The following BAZ2B variants were observed in gnomAD, a reference collection of about 807,000 sequenced individuals.
BAZ2B encodes bromodomain adjacent to zinc finger domain protein 2B.
BAZ2B carries 91 observed loss-of-function variants against 246.0 expected under a neutral mutation model. The ratio of observed to expected loss-of-function variants is 0.37; its 90% CI spans 0.31 to 0.44. The LOEUF (loss-of-function observed/expected upper bound fraction) is 0.44, where lower values mean the gene tolerates loss of function less well. Ranked by LOEUF, BAZ2B falls within the 20% of genes least tolerant of loss-of-function variation. The pLI, the probability that BAZ2B is intolerant of heterozygous loss-of-function variation, is 1.00. For synonymous variants in BAZ2B, 855 were observed against 860.0 expected, an observed-to-expected ratio of 0.99 and a Z score of 0.10; for missense variants, 2,332 against 2,533.7, an observed-to-expected ratio of 0.92 and a Z score of 1.71.
In BAZ2B at chr2:159,559,247, A is replaced by C. The variant is rs79716238; in HGVS notation, c.-45-3382T>G. Among the ~76,000 whole-genome samples the C allele has an allele frequency of 1.1e-3, 171 of 152,248 alleles. 1 individual carries two copies. Among genetic ancestry groups the C allele is most frequent in the African/African-American group, 4.0e-3 (166 of 41,558 alleles). On this transcript the variant is annotated intron_variant, in intron 1 of 36. Transcript: ENST00000392783. The stretch of plus-strand genomic sequence containing the variant: ...GTGAAGGAGTAACCCTGTTAAAAAA[A>C]AAAAAGAAGGTGGCCACGGAGATAA...
At chr2:159,705,606 C>A in the BAZ2B span, among the ~76,000 whole-genome samples, 1 of 152,194 alleles carries the variant, frequency 6.6e-6, no homozygotes, top group Middle Eastern at 3.4e-3. Flanking sequence ...TACTGGCACA[C>A]CTGGCTATCT....
At chr2:159,705,466 G>C in the BAZ2B span, among the ~76,000 whole-genome samples, 1 of 152,140 alleles carries the variant, frequency 6.6e-6, no homozygotes, top group Non-Finnish European at 1.5e-5. Context: ...TTAGTTTTCA[G>C]AATAGAAAAC....
intron 1 of BAZ2B, among the ~76,000 whole-genome samples, chr2:159,570,264 A>G (rs1283031792): frequency 6.6e-6 from 1 of 151,158 alleles, no homozygotes; most frequent in Non-Finnish European, 1.5e-5. Context: ...AGCTCACTGC[A>G]ATCTCCACCT....
chr2:159,573,880 G>A lies in BAZ2B; in HGVS notation c.-45-18015C>T, dbSNP rs183094498. ...TTTGGGAGGACAAGGTAGGTAGATC[G>A]CTTGAGCCCAAGAGTTCAAGACCAG... On this transcript the variant is annotated intron_variant, in intron 1 of 36. Coordinates refer to ENST00000392783, the MANE Select transcript of BAZ2B (RefSeq NM_013450.4). Among the ~76,000 whole-genome samples, 122 of 152,174 alleles carry A rather than the reference G, an allele frequency of 8.0e-4. 1 individual carries two copies. The highest frequency in any genetic ancestry group is 2.7e-3 in the African/African-American group (114 of 41,532).
At chr2:159,683,794 C>T in the BAZ2B span, among the ~76,000 whole-genome samples, 1 of 152,134 alleles carries the variant, frequency 6.6e-6, no homozygotes, top group African/African-American at 2.4e-5. Flanking sequence ...ACTCTTTTTT[C>T]TCTTTAAGTA....
At chr2:159,542,255 A>G (rs1578217732) in intron 2 of BAZ2B, among the ~76,000 whole-genome samples, 1 of 152,210 alleles carries the variant, frequency 6.6e-6, no homozygotes, top group South Asian at 2.1e-4. Context: ...AGAAAGGAGT[A>G]GAAACAATGT....
chr2:159,315,526 T>C (rs2062024127), downstream of BAZ2B, among the ~76,000 whole-genome samples: 2 of 152,204 alleles, frequency 1.3e-5, 1 homozygote, highest in Middle Eastern at 6.3e-3. Flanking sequence ...TGGTAGCTAT[T>C]GGCTGCTCCA....
At chr2:159,367,749 A>G (rs375461525) in intron 27 of BAZ2B, among the ~76,000 whole-genome samples, 4 of 152,008 alleles carry the variant, frequency 2.6e-5, no homozygotes, top group African/African-American at 7.3e-5. Flanking sequence ...TTAGCCAGGC[A>G]TGGTGGCAGA....
At chr2:159,589,000 T>G (rs901853594) in intron 1 of BAZ2B, among the ~76,000 whole-genome samples, 2 of 152,212 alleles carry the variant, frequency 1.3e-5, no homozygotes, top group African/African-American at 4.8e-5. Flanking sequence ...AAAGTCTACA[T>G]GCAGATGCCA....
chr2:159,413,708 C>CTAAATAAA lies in BAZ2B; in HGVS notation c.2467-1171_2467-1164dup, dbSNP rs34809172. Among the ~76,000 whole-genome samples the CTAAATAAA allele has an allele frequency of 3.1e-3, 469 of 151,448 alleles. 3 individuals carry two copies. Among genetic ancestry groups the CTAAATAAA allele is most frequent in the African/African-American group, 0.011 (440 of 41,110 alleles). On this transcript the variant is annotated intron_variant, in intron 13 of 36. Coordinates refer to ENST00000392783, the MANE Select transcript of BAZ2B (RefSeq NM_013450.4). ...GCAGGATAAGAGCGAGACTTCATCTCTAAATAAATAAATAAATAAATAGAT... is the reference window on the plus strand; with the variant it reads ...GCAGGATAAGAGCGAGACTTCATCTCTAAATAAATAAATAAATAAATAAATAAATAGAT...
At chr2:159,688,668 A>C in the BAZ2B span, among the ~76,000 whole-genome samples, 2 of 152,182 alleles carry the variant, frequency 1.3e-5, no homozygotes, top group Non-Finnish European at 2.9e-5. Context: ...ATCGAGGGTC[A>C]TACATTATTT....
At chr2:159,323,427 G>A (rs1470694981) in intron 36 of BAZ2B, among the ~76,000 whole-genome samples, 2 of 152,140 alleles carry the variant, frequency 1.3e-5, no homozygotes, top group Non-Finnish European at 2.9e-5. Flanking sequence ...TACTAGTAAA[G>A]TCTTCATGTG....
At chr2:159,459,882 A>G (rs1045676064) in intron 3 of BAZ2B, 5 of 152,148 alleles carry the variant, frequency 3.3e-5, no homozygotes, top group Non-Finnish European at 5.9e-5. Context: ...AGTTCTGCTC[A>G]GAGAAAACAT....
At chr2:159,562,674 T>C (rs1381557682) in intron 1 of BAZ2B, among the ~76,000 whole-genome samples, 2 of 152,210 alleles carry the variant, frequency 1.3e-5, no homozygotes, top group African/African-American at 2.4e-5. Flanking sequence ...TATACTTTTA[T>C]TTATCTAACT....
At chr2:159,675,505 A>C in the BAZ2B span, among the ~76,000 whole-genome samples, 3 of 152,196 alleles carry the variant, frequency 2.0e-5, no homozygotes, top group African/African-American at 7.2e-5. Context: ...AAACCTCTCC[A>C]GTTATAGAAT....
chr2:159,604,951 T>TGCGC lies in BAZ2B; in HGVS notation c.-46+11287_-46+11290dup, dbSNP rs66698312. 2.8e-4 allele frequency among the ~76,000 whole-genome samples: 40 copies of TGCGC among 144,424 alleles called. 1 individual carries two copies. Among genetic ancestry groups the TGCGC allele is most frequent in the East Asian group, 2.6e-3 (13 of 5,092 alleles). The allele number at this position is 144,424 out of a possible 152,430, so 94.7% of individuals were successfully genotyped here. A position where few individuals can be genotyped will look rare whatever the true frequency, so the allele number is the denominator to read the frequency against. ...TATATTTTGTGTGTGTGTGTGTGTG[T>TGCGC]GCGCGTGTGTGCGCGCGCTAGGAGA... On this transcript the variant is annotated intron_variant, in intron 1 of 36. Transcript: ENST00000392783.
chr2:159,622,077 G>A, the BAZ2B span, among the ~76,000 whole-genome samples: 1 of 151,378 alleles, frequency 6.6e-6, no homozygotes, highest in Non-Finnish European at 1.5e-5. Context: ...TTGCACTCCA[G>A]CCTGGGCAAC....
At chr2:159,490,847 G>A (rs2080376392) in intron 2 of BAZ2B, among the ~76,000 whole-genome samples, 2 of 152,234 alleles carry the variant, frequency 1.3e-5, no homozygotes, top group South Asian at 4.2e-4. Context: ...AACCTCTGGA[G>A]CTCCAGCATG....
chr2:159,696,932 G>T, the BAZ2B span, among the ~76,000 whole-genome samples: 1 of 152,104 alleles, frequency 6.6e-6, no homozygotes, highest in Non-Finnish European at 1.5e-5. Context: ...GACTACAGGT[G>T]CGTGCCACCA....
Sources: gnomAD v4.1 joint callset for allele counts (sites outside exome capture counted in the v4.1 genomes callset) on GRCh38, gnomAD v4.1.1 for gene constraint, MANE v1.5 for transcripts, NCBI Gene and HGNC (gene_info 2026-07-23, HGNC 2026-07-21) for gene names.